The following COG5 variants were observed in gnomAD, a reference collection of about 807,000 sequenced individuals.
The protein encoded by COG5 is component of oligomeric golgi complex 5, also known as conserved oligomeric Golgi complex subunit 5.
Under a neutral mutation model 110.4 loss-of-function variants are expected in COG5, and 86 were observed. The ratio of observed to expected loss-of-function variants is 0.78; its 90% CI spans 0.65 to 0.93. The LOEUF is 0.93. COG5 is among the 40% of genes least tolerant of loss of function. COG5 has a pLI of 0.00. For synonymous variants in COG5, 360 were observed against 334.6 expected, an observed-to-expected ratio of 1.08 and a Z score of -0.83; for missense variants, 1,077 against 987.0, an observed-to-expected ratio of 1.09 and a Z score of -1.22.
At chr7:107,418,047 C>A (rs1179703182) in intron 6 of COG5, among the ~76,000 whole-genome samples, 1 of 152,132 alleles carries the variant, frequency 6.6e-6, no homozygotes, top group Non-Finnish European at 1.5e-5. Context: ...CATCACATCC[C>A]TGCCTGATTA....
intron 7 of COG5, among the ~76,000 whole-genome samples, chr7:107,383,045 G>A (rs966627737): frequency 1.3e-5 from 2 of 152,022 alleles, no homozygotes; most frequent in African/African-American, 4.8e-5. Flanking sequence ...AATAGGATGC[G>A]CATCACTCAG....
At chr7:107,540,409 C>T (rs932604650) in intron 5 of COG5, among the ~76,000 whole-genome samples, 2 of 145,344 alleles carry the variant, frequency 1.4e-5, no homozygotes, top group Non-Finnish European at 3.0e-5. Flanking sequence ...CCCATCTCTA[C>T]AATAAAAAAA....
At chr7:107,521,896 C>T (rs550991845) in intron 6 of COG5, among the ~76,000 whole-genome samples, 2 of 152,068 alleles carry the variant, frequency 1.3e-5, no homozygotes, top group South Asian at 2.1e-4. Context: ...TGTCCATCAA[C>T]GATAGATTGG....
At chr7:107,416,780 G>A (rs1200058226) in intron 6 of COG5, among the ~76,000 whole-genome samples, 1 of 152,174 alleles carries the variant, frequency 6.6e-6, no homozygotes, top group East Asian at 1.9e-4. Flanking sequence ...GAGATTAACA[G>A]CAGATGGGAC....
chr7:107,283,551 A>C lies in COG5; in HGVS notation c.1475+20T>G. On this transcript the variant is annotated intron_variant, in intron 13 of 21. Coordinates refer to ENST00000297135, the MANE Select transcript of COG5 (RefSeq NM_006348.5). ...TATGGCAGTCATCTTATGGCAAGCC[A>C]CTATATAAAAAATACATACCTTGCT... 6.2e-7 allele frequency: 1 copy of C among 1,605,260 alleles called. No individual in the cohort carries two copies. Among genetic ancestry groups the C allele is most frequent in the African/African-American group, 1.3e-5 (1 of 74,868 alleles).
chr7:107,377,017 A>G (rs527328035), intron 7 of COG5, among the ~76,000 whole-genome samples: 1 of 152,260 alleles, frequency 6.6e-6, no homozygotes, highest in South Asian at 2.1e-4. Context: ...AAGGAAGACA[A>G]CTAGTAATTT....
chr7:107,529,714 C>A (rs144268938), intron 5 of COG5, among the ~76,000 whole-genome samples: 3 of 152,148 alleles, frequency 2.0e-5, no homozygotes, highest in African/African-American at 7.2e-5. Flanking sequence ...CTCTTCCAAG[C>A]GTACTTTCCT....
intron 12 of COG5, among the ~76,000 whole-genome samples, chr7:107,288,717 T>C (rs1426259705): frequency 6.6e-6 from 1 of 151,842 alleles, no homozygotes; most frequent in Non-Finnish European, 1.5e-5. Context: ...GCCAGATCTA[T>C]GAGTCAGAAA....
In COG5 at chr7:107,322,935, C is replaced by T. The variant is rs150429552; in HGVS notation, c.1108+1505G>A. Among the ~76,000 whole-genome samples, 244 of 152,206 alleles carry T rather than the reference C, an allele frequency of 1.6e-3. 1 individual carries two copies. Among genetic ancestry groups the T allele is most frequent in the African/African-American group, 5.5e-3 (229 of 41,534 alleles). On this transcript the variant is annotated intron_variant, in intron 11 of 21. Coordinates refer to ENST00000297135, the MANE Select transcript of COG5 (RefSeq NM_006348.5). ...ACAACATGGAAGAATCTTAATTATGCTGATGATCAAATAATGCATACTATA... is the reference window on the plus strand; with the variant it reads ...ACAACATGGAAGAATCTTAATTATGTTGATGATCAAATAATGCATACTATA...
chr7:107,210,349 C>A, intron 21 of COG5, 177 bp downstream of exon 21: 1 of 1,435,026 alleles, frequency 7.0e-7, no homozygotes, highest in Non-Finnish European at 9.1e-7. Flanking sequence ...ATGTTGTGGC[C>A]AACATTTCCA....
intron 6 of COG5, among the ~76,000 whole-genome samples, chr7:107,458,569 G>T (rs115109498): frequency 0.014 from 2,206 of 152,144 alleles, 54 homozygotes; most frequent in African/African-American, 0.051. Context: ...AAAAAATATA[G>T]CTAAGCCAGG....
chr7:107,418,169 T>C (rs1053828206), intron 6 of COG5, among the ~76,000 whole-genome samples: 1 of 150,608 alleles, frequency 6.6e-6, no homozygotes, highest in Non-Finnish European at 1.5e-5. Context: ...GAAAGATGCC[T>C]TTTTTTGATC....
At chr7:107,228,491 T>C (rs1244053788) in intron 19 of COG5, among the ~76,000 whole-genome samples, 1 of 152,144 alleles carries the variant, frequency 6.6e-6, no homozygotes, top group Non-Finnish European at 1.5e-5. Flanking sequence ...AGTAAATGAC[T>C]GTACAGGGGT....
chr7:107,462,519 G>A (rs1284292253), intron 6 of COG5, among the ~76,000 whole-genome samples: 1 of 151,772 alleles, frequency 6.6e-6, no homozygotes, highest in African/African-American at 2.4e-5. Context: ...AGGGGTCAGA[G>A]GGGAGCCTTA....
At chr7:107,296,939 G>A (rs1359380551) in intron 12 of COG5, among the ~76,000 whole-genome samples, 1 of 152,156 alleles carries the variant, frequency 6.6e-6, no homozygotes, top group African/African-American at 2.4e-5. Flanking sequence ...TTAAAGAAAG[G>A]TGTGAAAGCC....
intron 19 of COG5, among the ~76,000 whole-genome samples, chr7:107,222,764 TAAA>T (rs1800033536): frequency 6.6e-6 from 1 of 152,198 alleles, no homozygotes; most frequent in African/African-American, 2.4e-5. Context: ...TAAGGTGTTA[TAAA>T]ATGCAGATAC....
intron 6 of COG5, among the ~76,000 whole-genome samples, chr7:107,482,992 ATACT>A (rs1369723466): frequency 6.6e-6 from 1 of 152,210 alleles, no homozygotes; most frequent in African/African-American, 2.4e-5. Context: ...TGCAGTGAAA[ATACT>A]TACAAATTGT....
At chr7:107,388,660 C>T (rs956201485) in intron 7 of COG5, among the ~76,000 whole-genome samples, 3 of 152,176 alleles carry the variant, frequency 2.0e-5, no homozygotes, top group African/African-American at 7.2e-5. Context: ...TTTTCTAAAA[C>T]CTCTCAAGGT....
At chr7:107,233,563 C>T (rs993721010) in intron 18 of COG5, among the ~76,000 whole-genome samples, 9 of 152,172 alleles carry the variant, frequency 5.9e-5, no homozygotes, top group Admixed American at 2.6e-4. Context: ...TTGGACTTTA[C>T]GGCAAATAAC....
Sources: gnomAD v4.1 joint callset for allele counts (sites outside exome capture counted in the v4.1 genomes callset) on GRCh38, gnomAD v4.1.1 for gene constraint, MANE v1.5 for transcripts, NCBI Gene and HGNC (gene_info 2026-07-23, HGNC 2026-07-21) for gene names.